Variants in MAMLD1 observed in about 807,000 individuals in gnomAD.
MAMLD1 encodes the protein mastermind like domain containing 1, also known as mastermind-like domain-containing protein 1.
MAMLD1 carries 14 observed loss-of-function variants against 45.0 expected under a neutral mutation model. The observed-to-expected ratio is 0.31, with a 90% CI of 0.21 to 0.49. MAMLD1 has a LOEUF of 0.49. MAMLD1 is among the 20% of genes least tolerant of loss of function. MAMLD1 has a pLI of 0.99. For synonymous variants in MAMLD1, 254 were observed against 247.8 expected (o/e 1.02, Z -0.24); for missense variants, 543 against 603.6 (o/e 0.90, Z 1.05).
intron 1 of MAMLD1, among the ~76,000 whole-genome samples, chrX:150,383,900 G>A (rs781836506): frequency 9.0e-5 from 10 of 111,652 alleles, no homozygotes; most frequent in Admixed American, 6.6e-4. Context: ...TTAGCATAAT[G>A]TTTTCAAGCT....
At chrX:150,403,475 A>T (rs2033872144) in intron 1 of MAMLD1, among the ~76,000 whole-genome samples, 1 of 112,043 alleles carries the variant, frequency 8.9e-6, no homozygotes, top group Non-Finnish European at 1.9e-5. Flanking sequence ...TTTTACCTCA[A>T]CAAAAAAGTC....
At chrX:150,414,713 G>A (rs782234326) in intron 1 of MAMLD1, among the ~76,000 whole-genome samples, 1 of 111,949 alleles carries the variant, frequency 8.9e-6, no homozygotes, top group Admixed American at 9.5e-5. Flanking sequence ...ATCTGCTGAA[G>A]TATAGTGTGG....
At chrX:150,365,717 C>A (rs1300933426) in intron 1 of MAMLD1, among the ~76,000 whole-genome samples, 1 of 112,665 alleles carries the variant, frequency 8.9e-6, no homozygotes, top group Non-Finnish European at 1.9e-5. Context: ...CTCAAACTCT[C>A]CGAGCGCCCT....
intron 2 of MAMLD1, among the ~76,000 whole-genome samples, chrX:150,456,770 G>A (rs993160520): frequency 1.1e-4 from 12 of 112,335 alleles, no homozygotes; most frequent in Non-Finnish European, 1.3e-4. Context: ...GGGATTTCCC[G>A]CATGGCTGAA....
intron 1 of MAMLD1, among the ~76,000 whole-genome samples, chrX:150,406,818 G>T (rs1285725221): frequency 3.6e-5 from 4 of 110,825 alleles, no homozygotes. Flanking sequence ...CTTCATTTGC[G>T]CTCTCCACTT....
At chrX:150,408,289 G>GA (rs1186227839) in intron 1 of MAMLD1, among the ~76,000 whole-genome samples, 1 of 111,164 alleles carries the variant, frequency 9.0e-6, no homozygotes, top group Non-Finnish European at 1.9e-5. Context: ...TATATCTGGG[G>GA]AAAATGAAAC....
At chrX:150,387,534 T>A (rs1480106554) in intron 1 of MAMLD1, among the ~76,000 whole-genome samples, 1 of 112,011 alleles carries the variant, frequency 8.9e-6, no homozygotes, top group Non-Finnish European at 1.9e-5. Context: ...GAGGGCTGAC[T>A]TTGCTCACAC....
chrX:150,471,360 T>TGCAGCAGCAGCAGCAGCA lies in MAMLD1; in HGVS notation c.1788_1805dup (p.Gln601_Gln606dup). 8.3e-7 allele frequency: 1 copy of TGCAGCAGCAGCAGCAGCA among 1,200,858 alleles called. No homozygotes were observed. Among genetic ancestry groups the TGCAGCAGCAGCAGCAGCA allele is most frequent in the African/African-American group, 1.8e-5 (1 of 56,505 alleles). On this transcript the variant is annotated inframe_insertion, in exon 4 of 8. Coordinates refer to ENST00000370401, the MANE Select transcript of MAMLD1 (RefSeq NM_005491.5). ...TCCACGGCCACTGCCACCTTGCAGC[T>TGCAGCAGCAGCAGCAGCA]GCAGCAGCAGCAGCAGCAACAGCAG...
intron 2 of MAMLD1, 104 bp from the exon 3 acceptor site, chrX:150,462,668 A>G (rs2036084562): frequency 1.7e-6 from 1 of 586,126 alleles, no homozygotes; most frequent in African/African-American, 2.2e-5. Context: ...TCATAATTTG[A>G]TTCAAGTAAC....
intron 1 of MAMLD1, among the ~76,000 whole-genome samples, chrX:150,369,847 G>T (rs2031818287): frequency 9.6e-6 from 1 of 104,436 alleles, no homozygotes. Context: ...TAATCCAGCT[G>T]TTTTTTTTTA....
intron 5 of MAMLD1, among the ~76,000 whole-genome samples, chrX:150,487,232 A>G (rs782204410): frequency 8.9e-6 from 1 of 111,905 alleles, no homozygotes; most frequent in East Asian, 2.8e-4. Flanking sequence ...CTTCTGCTCT[A>G]TACTGACTTA....
intron 1 of MAMLD1, among the ~76,000 whole-genome samples, chrX:150,380,079 T>C (rs1432423092): frequency 8.9e-6 from 1 of 112,349 alleles, no homozygotes; most frequent in Non-Finnish European, 1.9e-5. Flanking sequence ...TAAAAACAAA[T>C]GTAGTTTTGT....
intron 1 of MAMLD1, among the ~76,000 whole-genome samples, chrX:150,402,594 A>G (rs1365450947): frequency 2.7e-5 from 3 of 112,046 alleles, no homozygotes; most frequent in African/African-American, 9.8e-5. Flanking sequence ...AGGACTATAA[A>G]TCATGCTGCT....
At chrX:150,497,832 A>T (rs187265215) in intron 5 of MAMLD1, among the ~76,000 whole-genome samples, 50 of 111,809 alleles carry the variant, frequency 4.5e-4, no homozygotes, top group African/African-American at 1.6e-3. Flanking sequence ...CACTTTGATC[A>T]CACAAAGCTT....
Position 150,364,362 on chromosome X carries a change from C to G in MAMLD1, c.-64+832C>G, listed in dbSNP as rs781926279. On this transcript the variant is annotated intron_variant, in intron 1 of 7. Coordinates refer to ENST00000370401, the MANE Select transcript of MAMLD1 (RefSeq NM_005491.5). ...CTGGAGATGTCGTCTGATTCTGATC[C>G]GTGATTAAATTCGGACTGAGCAGAC... is the stretch of plus-strand genomic sequence containing the variant. Among the ~76,000 whole-genome samples the G allele has an allele frequency of 4.4e-5, 5 of 113,269 alleles. No homozygotes were observed. In the South Asian group the frequency reaches 1.8e-3, roughly 41 times the overall value.
At chrX:150,431,750 C>CA (rs1491319447) in intron 1 of MAMLD1, among the ~76,000 whole-genome samples, 1 of 102,844 alleles carries the variant, frequency 9.7e-6, no homozygotes, top group Non-Finnish European at 2.0e-5. Flanking sequence ...ACATGATCTC[C>CA]TTTTTTTTTT....
At chrX:150,508,550 G>C (rs12559341) in intron 6 of MAMLD1, among the ~76,000 whole-genome samples, 17,015 of 111,802 alleles carry the variant, frequency 0.15, 1,020 homozygotes, top group Admixed American at 0.28. Context: ...TTCTGGTGTA[G>C]TCTTCCCGGT....
chrX:150,416,573 G>A (rs1243013300), intron 1 of MAMLD1, among the ~76,000 whole-genome samples: 7 of 111,699 alleles, frequency 6.3e-5, no homozygotes, highest in Admixed American at 2.9e-4. Flanking sequence ...GCTTGTATGC[G>A]TTTGGTTGCT....
intron 2 of MAMLD1, among the ~76,000 whole-genome samples, chrX:150,455,740 T>G (rs1332895440): frequency 9.4e-6 from 1 of 106,705 alleles, no homozygotes; most frequent in Non-Finnish European, 1.9e-5. Flanking sequence ...GTTCTTCTAT[T>G]AGAATTTGTT....
Sources: gnomAD v4.1 joint callset for allele counts (sites outside exome capture counted in the v4.1 genomes callset) on GRCh38, gnomAD v4.1.1 for gene constraint, MANE v1.5 for transcripts, NCBI Gene and HGNC (gene_info 2026-07-23, HGNC 2026-07-21) for gene names.